AFAP1: variants seen among roughly 807,000 people sequenced by gnomAD.
AFAP1 encodes the protein actin filament-associated protein 1.
Under a neutral mutation model 93.9 loss-of-function variants are expected in AFAP1, and 75 were observed. The ratio of observed to expected loss-of-function variants is 0.80; its 90% CI spans 0.66 to 0.97. The LOEUF is 0.97. Ranked by LOEUF, AFAP1 falls within the 50% of genes least tolerant of loss-of-function variation. AFAP1 has a pLI of 0.00. For missense variants in AFAP1, 1,201 were observed against 1,050.8 expected, an observed-to-expected ratio of 1.14 and a Z score of -1.98; for synonymous variants, 517 against 430.7, an observed-to-expected ratio of 1.20 and a Z score of -2.48.
intron 11 of AFAP1, among the ~76,000 whole-genome samples, chr4:7,791,814 C>G (rs1284591329): frequency 6.7e-6 from 1 of 149,390 alleles, no homozygotes; most frequent in Non-Finnish European, 1.5e-5. Flanking sequence ...AATTGTGCCA[C>G]TGCACTCCAG....
chr4:7,783,562 A>C (rs1716983080), intron 12 of AFAP1, among the ~76,000 whole-genome samples: 1 of 152,256 alleles, frequency 6.6e-6, no homozygotes, highest in South Asian at 2.1e-4. Flanking sequence ...CCTAATAAGC[A>C]AGGAAGCCAC....
intron 1 of AFAP1, among the ~76,000 whole-genome samples, chr4:7,883,687 G>T (rs969062970): frequency 1.3e-5 from 2 of 152,144 alleles, no homozygotes; most frequent in African/African-American, 4.8e-5. Flanking sequence ...ATAGCTAGAA[G>T]ATATCATGGA....
rs755185263 is a variant in AFAP1 at position 7,939,600 on chromosome 4, C to T, written c.-3+56G>A. The T allele has an allele frequency of 1.3e-4, 52 of 403,814 alleles. No homozygotes were observed. Among genetic ancestry groups the T allele is most frequent in the African/African-American group, 1.1e-3 (50 of 45,432 alleles). 25.0% of individuals were successfully genotyped at this position (403,814 alleles called of 1,614,324 possible). ...GAGCCCCGCTCGGAGCTTCCACGCC[C>T]GGGGCAGAGACCCCCGCCGGGTCCG... On this transcript the variant is annotated intron_variant, in intron 1 of 17. Transcript: ENST00000420658. This position sits in a 1 kb window ranked among gnomAD's most constrained non-coding sequence, Gnocchi z 5.6.
intron 4 of AFAP1, chr4:7,843,800 G>A (rs1011145551): frequency 1.2e-4 from 21 of 172,648 alleles, no homozygotes; most frequent in African/African-American, 4.6e-4. Flanking sequence ...GCATCCCCAC[G>A]TGCACAACAT....
rs755113483 is a variant in AFAP1, at chr4:7,809,793, T to C, written c.905-30A>G. 1.9e-6 allele frequency: 3 copies of C among 1,587,866 alleles called. No individual in the cohort carries two copies. The East Asian group carries it at 6.7e-5, about 36-fold the overall frequency. On this transcript the variant is annotated intron_variant, in intron 8 of 17. Transcript: ENST00000420658. ...CAAGAGTAACAACAGCAAAAAAGCA[T>C]GTTTTAATTGTAGATATTAATTGAA...
chr4:7,935,777 C>G (rs763381573), intron 1 of AFAP1, among the ~76,000 whole-genome samples: 9 of 152,178 alleles, frequency 5.9e-5, no homozygotes, highest in Non-Finnish European at 1.2e-4. Flanking sequence ...CTGTTTGGGA[C>G]CCCGGCCAGG....
In AFAP1 at chr4:7,800,657, C is replaced by A. The variant is rs765383542; in HGVS notation, c.1055-4G>T. ...TTGGAGAGCACGTTCAGATAGCCTG[C>A]GGAGACACAAGGCCACAGGTCAGCC... On this transcript the variant is annotated splice_region_variant and splice_polypyrimidine_tract_variant and intron_variant, in intron 9 of 17. Coordinates refer to ENST00000420658, the MANE Select transcript of AFAP1 (RefSeq NM_001134647.2). The A allele has an allele frequency of 1.9e-6, 3 of 1,613,992 alleles. No individual in the cohort carries two copies. Among genetic ancestry groups the A allele is most frequent in the Non-Finnish European group, 1.7e-6 (2 of 1,180,004 alleles).
chr4:7,909,850 C>CA (rs1317825938), intron 1 of AFAP1, among the ~76,000 whole-genome samples: 1 of 152,148 alleles, frequency 6.6e-6, no homozygotes, highest in Non-Finnish European at 1.5e-5. Context: ...CACAGCCCCC[C>CA]AGATGCAGCT....
In AFAP1 at chr4:7,760,626, C is replaced by G. The variant is rs1244142082; in HGVS notation, c.*3139G>C. The stretch of plus-strand genomic sequence containing the variant: ...CCAGGTCAGGGGGACAAAGGGAGCC[C>G]TCGAATCTGATAGTTGTTTCTATGA... On this transcript the variant is annotated 3_prime_UTR_variant, in exon 18 of 18. Coordinates refer to ENST00000420658, the MANE Select transcript of AFAP1 (RefSeq NM_001134647.2). 2.0e-5 allele frequency: 3 copies of G among 152,286 alleles called. No homozygotes were observed. The highest frequency in any genetic ancestry group is 7.2e-5 in the African/African-American group (3 of 41,476). The allele number at this position is 152,286 out of a possible 1,614,324, so 9.4% of individuals were successfully genotyped here. A position where few individuals can be genotyped will look rare whatever the true frequency, so the allele number is the denominator to read the frequency against.
At position 7,798,841 on chromosome 4, in the gene AFAP1, C is replaced by T. The variant is rs1322841620; in HGVS notation, c.1266+1601G>A. On this transcript the variant is annotated intron_variant, in intron 10 of 17. Transcript: ENST00000420658. ...TGACTTCCACCCACCCCCACCGCAC[C>T]CCGAGCTTCTCTGTCTGGGCACTTG... The T allele has an allele frequency of 3.1e-6, 3 of 983,272 alleles. No individual in the cohort carries two copies. The African/African-American group carries it at 5.3e-5, about 17-fold the overall frequency. The allele number at this position is 983,272 out of a possible 1,614,324, so 60.9% of individuals were successfully genotyped here.
At chr4:7,809,579 T>G in intron 9 of AFAP1, 35 bp downstream of exon 9, 1 of 1,597,366 alleles carries the variant, frequency 6.3e-7, no homozygotes, top group Non-Finnish European at 8.5e-7. Flanking sequence ...CCCACTTAGG[T>G]GCACGCTGCT....
chr4:7,928,666 G>A (rs139029320), intron 1 of AFAP1, among the ~76,000 whole-genome samples: 1,616 of 152,280 alleles, frequency 0.011, 10 homozygotes, highest in South Asian at 0.028. Flanking sequence ...GATTACAGGC[G>A]TGAGCCACCA....
Position 7,875,477 on chromosome 4 carries a change from G to C in AFAP1, c.-2-3397C>G, listed in dbSNP as rs572928299. ...TCATCTATACTTTAAAAATGGACGA[G>C]GCATGTTGGCTCACGTCTGTAATCC... On this transcript the variant is annotated intron_variant, in intron 1 of 17. Coordinates refer to ENST00000420658, the MANE Select transcript of AFAP1 (RefSeq NM_001134647.2). Among the ~76,000 whole-genome samples the C allele has an allele frequency of 2.0e-4, 31 of 152,186 alleles. 1 individual carries two copies. In the South Asian group the frequency reaches 5.6e-3, roughly 28 times the overall value.
intron 17 of AFAP1, among the ~76,000 whole-genome samples, chr4:7,764,108 G>C (rs150681856): frequency 6.6e-6 from 1 of 152,194 alleles, no homozygotes; most frequent in Non-Finnish European, 1.5e-5. Flanking sequence ...CCACGTATTC[G>C]GCCTGAAAAA....
In AFAP1 at chr4:7,816,067, C is replaced by A; in HGVS notation, c.855G>T (p.Gly285=). 1 of 1,613,090 alleles carries A rather than the reference C, an allele frequency of 6.2e-7. No individual in the cohort carries two copies. The change falls in exon 8 of 18, where the codon GGG becomes GGT. Residue 285 remains glycine (G), a synonymous_variant. Coordinates refer to ENST00000420658, the MANE Select transcript of AFAP1 (RefSeq NM_001134647.2). ...TAATTCCATTTTCCACAACACCCTC[C>A]CCATCTGAGCTGGGTCTCTCTGAAG... ...KLSSERPSSD[G]EGVVENGITT...
In AFAP1 at chr4:7,789,402, C is replaced by CT. The variant is rs1717623595; in HGVS notation, c.1413-3092_1413-3091insA. 1.4e-5 allele frequency among the ~76,000 whole-genome samples: 2 copies of CT among 144,360 alleles called. 1 individual carries two copies. Among genetic ancestry groups the CT allele is most frequent in the South Asian group, 4.5e-4 (2 of 4,406 alleles). 94.7% of individuals were successfully genotyped at this position (144,360 alleles called of 152,430 possible). A position where few individuals can be genotyped will look rare whatever the true frequency, so the allele number is the denominator to read the frequency against. Reference sequence around the variant, plus strand: ...ATCTCTCCATGCTCCGCACCAGCCCCGGCTTTCCATCCTCTTCATCCTCAC... The same window carrying CT: ...ATCTCTCCATGCTCCGCACCAGCCCCTGGCTTTCCATCCTCTTCATCCTCAC... On this transcript the variant is annotated intron_variant, in intron 11 of 17. Coordinates refer to ENST00000420658, the MANE Select transcript of AFAP1 (RefSeq NM_001134647.2).
intron 1 of AFAP1, among the ~76,000 whole-genome samples, chr4:7,887,104 C>T (rs1422212481): frequency 6.6e-6 from 1 of 152,088 alleles, no homozygotes; most frequent in Non-Finnish European, 1.5e-5. Context: ...TTGTAAAGAC[C>T]CTTCCAGAGG....
intron 1 of AFAP1, among the ~76,000 whole-genome samples, chr4:7,911,038 C>T (rs1719694105): frequency 6.6e-6 from 1 of 152,088 alleles, no homozygotes; most frequent in Admixed American, 6.6e-5. Flanking sequence ...AGCTCTGAGG[C>T]CACAAAGCCA....
chr4:7,876,707 A>T (rs1717533223), intron 1 of AFAP1, among the ~76,000 whole-genome samples: 3 of 152,190 alleles, frequency 2.0e-5, no homozygotes, highest in African/African-American at 7.2e-5. Context: ...GAATTCCAAG[A>T]AATATTTGTA....
Sources: allele counts gnomAD v4.1 joint callset (sites outside exome capture counted in the v4.1 genomes callset), GRCh38; gene constraint gnomAD v4.1.1; non-coding constraint Gnocchi (gnomAD v3.1); transcripts MANE v1.5; gene names NCBI Gene and HGNC (gene_info 2026-07-23, HGNC 2026-07-21).